The following OR9Q1 variants were observed in gnomAD, a reference collection of about 807,000 sequenced individuals.
OR9Q1 encodes the protein olfactory receptor 9Q1.
For synonymous variants in OR9Q1, 153 were observed against 148.6 expected (o/e 1.03, Z -0.22); for missense variants, 374 against 378.8 (o/e 0.99, Z 0.11).
intron 2 of OR9Q1, chr11:58,119,386 T>C (rs1482631894): frequency 6.2e-7 from 1 of 1,613,810 alleles, no homozygotes; most frequent in Admixed American, 1.7e-5. Flanking sequence ...CAATTTGGGG[T>C]GGTCCATAAA....
intron 2 of OR9Q1, among the ~76,000 whole-genome samples, chr11:58,160,438 T>TTGTTG (rs1854446419): frequency 1.6e-4 from 24 of 150,202 alleles, no homozygotes; most frequent in African/African-American, 5.7e-4. Flanking sequence ...GAGTAGAATA[T>TTGTTG]TTGTTGTTGT....
intron 2 of OR9Q1, chr11:58,124,582 G>C (rs1854070234): frequency 6.6e-6 from 1 of 152,144 alleles, no homozygotes; most frequent in African/African-American, 2.4e-5. Context: ...CATTTGCTGA[G>C]CTCTTGCTCC....
intron 1 of OR9Q1, chr11:58,031,884 T>C: frequency 6.2e-7 from 1 of 1,612,252 alleles, no homozygotes; most frequent in Non-Finnish European, 8.5e-7. Context: ...GTCTTTTCTC[T>C]CAACTTTTGG....
chr11:58,120,393 G>A (rs1420562905), intron 2 of OR9Q1, among the ~76,000 whole-genome samples: 1 of 151,810 alleles, frequency 6.6e-6, no homozygotes, highest in Non-Finnish European at 1.5e-5. Context: ...TTATGTCATA[G>A]GGGTCTTTTA....
intron 2 of OR9Q1, among the ~76,000 whole-genome samples, chr11:58,167,959 G>T (rs1854520581): frequency 6.6e-6 from 1 of 152,176 alleles, no homozygotes; most frequent in Non-Finnish European, 1.5e-5. Flanking sequence ...GAAGGGTGGA[G>T]CTGCCATCAC....
intron 2 of OR9Q1, among the ~76,000 whole-genome samples, chr11:58,138,012 C>A (rs760752792): frequency 6.6e-6 from 1 of 152,128 alleles, no homozygotes; most frequent in Admixed American, 6.6e-5. Flanking sequence ...TATGAGGATG[C>A]ACATCAAGAG....
Position 58,082,768 on chromosome 11 carries a change from AAT to A in OR9Q1, c.-15+26823_-15+26824del, listed in dbSNP as rs1473580904. Reference sequence around the variant, plus strand: ...TAATAATAATAATAATAATAATAATAATAAAAAGTTAGGTCTTCTTTTTTTAA... The same window carrying A: ...TAATAATAATAATAATAATAATAATAAAAAAGTTAGGTCTTCTTTTTTTAA... On this transcript the variant is annotated intron_variant, in intron 2 of 2. Transcript: ENST00000335397. 8.3e-4 allele frequency among the ~76,000 whole-genome samples: 108 copies of A among 129,700 alleles called. 1 individual carries two copies. Among genetic ancestry groups the A allele is most frequent in the South Asian group, 1.3e-3 (4 of 3,156 alleles). 85.1% of individuals were successfully genotyped at this position (129,700 alleles called of 152,430 possible).
intron 2 of OR9Q1, among the ~76,000 whole-genome samples, chr11:58,112,680 C>T (rs1161700782): frequency 6.6e-6 from 1 of 152,120 alleles, no homozygotes; most frequent in African/African-American, 2.4e-5. Context: ...CAACCATGAA[C>T]GTCAATGATT....
intron 2 of OR9Q1, among the ~76,000 whole-genome samples, chr11:58,066,579 C>T (rs751612081): frequency 6.6e-6 from 1 of 152,122 alleles, no homozygotes; most frequent in Non-Finnish European, 1.5e-5. Context: ...TTTCTTATTT[C>T]CCTGGACCCC....
chr11:58,094,542 G>A (rs946063921), intron 2 of OR9Q1, among the ~76,000 whole-genome samples: 8 of 152,072 alleles, frequency 5.3e-5, no homozygotes, highest in African/African-American at 1.9e-4. Context: ...TTTTATCTCT[G>A]ACAGAATGAA....
At chr11:58,120,208 T>A (rs1854014709) in intron 2 of OR9Q1, among the ~76,000 whole-genome samples, 1 of 152,186 alleles carries the variant, frequency 6.6e-6, no homozygotes, top group Admixed American at 6.5e-5. Flanking sequence ...ATAAATAATA[T>A]GTTCAAACTC....
intron 2 of OR9Q1, chr11:58,118,383 T>C: frequency 1.5e-6 from 1 of 685,520 alleles, no homozygotes; most frequent in Non-Finnish European, 2.5e-6. Flanking sequence ...TGCCTGGTGG[T>C]ACCTATCTTC....
At chr11:58,113,321 AT>A (rs1031632467) in intron 2 of OR9Q1, among the ~76,000 whole-genome samples, 3 of 152,136 alleles carry the variant, frequency 2.0e-5, no homozygotes, top group African/African-American at 7.2e-5. Context: ...GTCAATCTTG[AT>A]GGGACCTCAA....
chr11:58,149,873 C>T (rs918618856), intron 2 of OR9Q1, among the ~76,000 whole-genome samples: 10 of 152,124 alleles, frequency 6.6e-5, no homozygotes, highest in African/African-American at 2.4e-4. Context: ...TTGGTGGACA[C>T]TTGGGTTGTT....
At chr11:58,095,842 A>T (rs1188181921) in intron 2 of OR9Q1, among the ~76,000 whole-genome samples, 1 of 152,200 alleles carries the variant, frequency 6.6e-6, no homozygotes, top group African/African-American at 2.4e-5. Flanking sequence ...GAATCAGGAA[A>T]ATCAAGATAA....
rs12420738 is a variant in OR9Q1 at position 58,179,920 on chromosome 11, G to A, written c.476G>A (p.Arg159Gln). The A allele has an allele frequency of 2.7e-5, 43 of 1,613,950 alleles. No homozygotes were observed. The highest frequency in any genetic ancestry group is 6.7e-5 in the Admixed American group (4 of 59,988). ...YVAGLISALV[R>Q]TVSAFTLSFC... ...GCTGGTCTCATCAGTGCCTTGGTGC[G>A]GACAGTCTCAGCCTTCACTCTCTCC... The change falls in exon 3 of 3, where the codon CGG becomes CAG. Residue 159 changes from arginine (R) to glutamine (Q), a missense_variant. Transcript: ENST00000335397.
At chr11:58,119,882 C>A (rs1229451241) in intron 2 of OR9Q1, among the ~76,000 whole-genome samples, 1 of 152,100 alleles carries the variant, frequency 6.6e-6, no homozygotes, top group Non-Finnish European at 1.5e-5. Context: ...TCCTTCTGTA[C>A]CTTTCACACA....
At chr11:58,143,468 A>G (rs1046857701) in intron 2 of OR9Q1, among the ~76,000 whole-genome samples, 11 of 152,200 alleles carry the variant, frequency 7.2e-5, no homozygotes, top group Admixed American at 7.2e-4. Context: ...GAAGTTTTGG[A>G]AGTGCCTAAG....
At chr11:58,088,757 CTCTCATTCTGT>C (rs1196379468) in intron 2 of OR9Q1, among the ~76,000 whole-genome samples, 16 of 151,802 alleles carry the variant, frequency 1.1e-4, no homozygotes, top group African/African-American at 3.9e-4. Context: ...CTAAAATTTT[CTCTCATTCTGT>C]AGGTTGCCTG....
Sources: gnomAD v4.1 joint callset for allele counts (sites outside exome capture counted in the v4.1 genomes callset) on GRCh38, gnomAD v4.1.1 for gene constraint, MANE v1.5 for transcripts, NCBI Gene and HGNC (gene_info 2026-07-23, HGNC 2026-07-21) for gene names.